The following LRRD1 variants were observed in gnomAD, a reference collection of about 807,000 sequenced individuals.
The protein encoded by LRRD1 is leucine-rich repeat and death domain-containing protein 1.
In LRRD1, 49 loss-of-function variants were observed where a neutral mutation model predicts 69.5. The ratio of observed to expected loss-of-function variants is 0.70; its 90% CI spans 0.56 to 0.89. The LOEUF is 0.89. Among genes scored for constraint, LRRD1 ranks in the 40% least tolerant of loss-of-function variants. LRRD1 has a pLI of 0.00. For synonymous variants in LRRD1, 303 were observed against 338.9 expected (o/e 0.89, Z 1.16); for missense variants, 853 against 956.0 (o/e 0.89, Z 1.42).
At chr7:92,175,362 T>C (rs1452887340) in intron 1 of LRRD1, among the ~76,000 whole-genome samples, 1 of 151,984 alleles carries the variant, frequency 6.6e-6, no homozygotes, top group Non-Finnish European at 1.5e-5. Flanking sequence ...TTTAACAGAG[T>C]GCTGGCCAGG....
chr7:92,153,222 G>A (rs1173752277), intron 3 of LRRD1, among the ~76,000 whole-genome samples: 1 of 151,878 alleles, frequency 6.6e-6, no homozygotes, highest in African/African-American at 2.4e-5. Context: ...AAGCCACCAT[G>A]CCCAGCTAAT....
rs746355464 is a variant in LRRD1, at chr7:92,146,063, A to G, written c.2396+20T>C. On this transcript the variant is annotated intron_variant, in intron 5 of 5. Transcript: ENST00000458448. ...CAGAATGAGAATAAATTTGTACTAA[A>G]TGCTGTCATTTATACATACCTCTTT... The G allele has an allele frequency of 1.2e-5, 15 of 1,268,600 alleles. No individual in the cohort carries two copies. Among genetic ancestry groups the G allele is most frequent in the Non-Finnish European group, 1.5e-5 (14 of 922,812 alleles). The allele number at this position is 1,268,600 out of a possible 1,614,324, so 78.6% of individuals were successfully genotyped here.
intron 1 of LRRD1, among the ~76,000 whole-genome samples, chr7:92,166,919 A>T (rs1256937620): frequency 6.6e-6 from 1 of 152,198 alleles, no homozygotes. Context: ...GTAATTAGCC[A>T]GTGGCATAAG....
chr7:92,168,784 AT>A, intron 1 of LRRD1, among the ~76,000 whole-genome samples: 1 of 152,362 alleles, frequency 6.6e-6, no homozygotes. Flanking sequence ...TTCAATGTAC[AT>A]ATGTACATCC....
At chr7:92,142,700 T>A (rs1820189524), downstream of LRRD1, 1 of 406,996 alleles carries the variant, frequency 2.5e-6, no homozygotes, top group Non-Finnish European at 4.8e-6. Context: ...GATCGTGGTC[T>A]CGCTGGCTCA....
At chr7:92,154,124 CA>C (rs1788594714) in intron 3 of LRRD1, among the ~76,000 whole-genome samples, 1 of 152,202 alleles carries the variant, frequency 6.6e-6, no homozygotes, top group Non-Finnish European at 1.5e-5. Context: ...AGGCATGAGC[CA>C]CCACGCCCAG....
intron 2 of LRRD1, among the ~76,000 whole-genome samples, chr7:92,161,520 G>C (rs2131004135): frequency 6.6e-6 from 1 of 152,348 alleles, no homozygotes; most frequent in East Asian, 1.9e-4. Context: ...CTTGCTAAAA[G>C]GGAGGAGGTT....
chr7:92,167,498 T>C (rs1479426152), intron 1 of LRRD1, among the ~76,000 whole-genome samples: 2 of 152,190 alleles, frequency 1.3e-5, no homozygotes, highest in Non-Finnish European at 2.9e-5. Context: ...TTTCTGTAAG[T>C]CTAAAATTAT....
Position 92,164,063 on chromosome 7 carries a change from A to G in LRRD1, c.1140T>C (p.Asp380=), listed in dbSNP as rs1455403575. Residue 380 remains aspartate, a synonymous_variant, in exon 2 of 6, where the codon GAT becomes GAC. Coordinates refer to ENST00000458448, the MANE Select transcript of LRRD1 (RefSeq NM_001161528.2). ...CTGGTATATTTTTCAATAAATTTTT[A>G]TCAAGTATAAGAATCCTAAGTTCCC... ...NFRELRILIL[D]KNLLKNIPEK... 1.9e-6 allele frequency: 3 copies of G among 1,542,216 alleles called. No individual in the cohort carries two copies. Among genetic ancestry groups the G allele is most frequent in the East Asian group, 2.5e-5 (1 of 40,766 alleles).
rs1167944611 is a variant in LRRD1 at position 92,164,345 on chromosome 7, A to C, written c.858T>G (p.Asn286Lys). ...LPSLKTLRVL[N>K]LEYNQLTTFP... The stretch of plus-strand genomic sequence containing the variant: ...ATGTTGTTAACTGATTATATTCCAA[A>C]TTGAGAACCCTCAAGGTTTTTAAAC... The change falls in exon 2 of 6, where the codon AAT becomes AAG. Residue 286 changes from asparagine (N) to lysine (K), a missense_variant. Physicochemically the swap from Asn to Lys is moderately conservative, Grantham distance 94. This residue lies in a region of LRRD1 where 739 missense variants were observed against 808.0 expected (regional missense o/e 0.91). Transcript: ENST00000458448. The C allele has an allele frequency of 6.5e-7, 1 of 1,550,260 alleles. No individual in the cohort carries two copies. The highest frequency in any genetic ancestry group is 8.7e-7 in the Non-Finnish European group (1 of 1,146,552).
At chr7:92,146,378 G>A (rs1563187810) in intron 4 of LRRD1, among the ~76,000 whole-genome samples, 178 bp from the exon 5 acceptor site, 1 of 152,172 alleles carries the variant, frequency 6.6e-6, no homozygotes. Flanking sequence ...AGCACTTTGG[G>A]AGGCCGAGGC....
At chr7:92,174,471 A>ATATATATATATG in intron 1 of LRRD1, among the ~76,000 whole-genome samples, 1 of 9,198 alleles carries the variant, frequency 1.1e-4, no homozygotes, top group Non-Finnish European at 2.0e-4. Context: ...ATCAATTAGA[A>ATATATATATATG]TATATATATA....
At chr7:92,143,227 G>A (rs543501454), downstream of LRRD1, among the ~76,000 whole-genome samples, 211 of 152,232 alleles carry the variant, frequency 1.4e-3, 1 homozygote, top group Admixed American at 3.1e-3. Context: ...AGTGCCGATT[G>A]GTGTATTTAC....
rs190288070 is a variant in LRRD1, at chr7:92,177,553, C to T, written c.-75+1454G>A. Among the ~76,000 whole-genome samples, 452 of 152,284 alleles carry T rather than the reference C, an allele frequency of 3.0e-3. 4 individuals carry two copies. The highest frequency in any genetic ancestry group is 0.01 in the African/African-American group (431 of 41,534). On this transcript the variant is annotated intron_variant, in intron 1 of 5. Coordinates refer to ENST00000458448, the MANE Select transcript of LRRD1 (RefSeq NM_001161528.2). The stretch of plus-strand genomic sequence containing the variant: ...ATTTCTCCTCTGTGGAGAAGACAGG[C>T]AGATGACTCATGAGCTCAGCTCCTT...
At position 92,164,526 on chromosome 7, in the gene LRRD1, A is replaced by G. The variant is rs1563192861; in HGVS notation, c.677T>C (p.Ile226Thr). 2 of 1,550,050 alleles carry G rather than the reference A, an allele frequency of 1.3e-6. No individual in the cohort carries two copies. Among genetic ancestry groups the G allele is most frequent in the Non-Finnish European group, 1.7e-6 (2 of 1,145,874 alleles). ...CCCAAGCTGAGATATTTCTTTAGGT[A>G]TATGTGATATGTGGTTATGACTGAC... ...LNVSHNHISH[I>T]PKEISQLGNI... Residue 226 changes from isoleucine (I) to threonine (T), a missense_variant, in exon 2 of 6, where the codon ATA becomes ACA. This residue lies in a region of LRRD1 where 739 missense variants were observed against 808.0 expected (regional missense o/e 0.91). Transcript: ENST00000458448.
In LRRD1 at chr7:92,164,695, A is replaced by C. The variant is rs2131009273; in HGVS notation, c.508T>G (p.Tyr170Asp). ...GTTTTGATTTGATTCTTGTCTAAAT[A>C]TAGATATTTTACATATTTGATTTTT... ...ILKIKYVKYLYLDKNQIKTFQ... is the reference protein window; with the variant it reads ...ILKIKYVKYLDLDKNQIKTFQ... The change falls in exon 2 of 6, where the codon TAT becomes GAT. Residue 170 changes from tyrosine (Y) to aspartate (D), a missense_variant. By Grantham distance (160) the Tyr-to-Asp change is radical. Transcript: ENST00000458448. 6.4e-7 allele frequency: 1 copy of C among 1,550,944 alleles called. No individual in the cohort carries two copies. Among genetic ancestry groups the C allele is most frequent in the East Asian group, 2.4e-5 (1 of 40,876 alleles).
intron 3 of LRRD1, among the ~76,000 whole-genome samples, chr7:92,157,910 A>G (rs1426023723): frequency 1.3e-5 from 2 of 152,070 alleles, no homozygotes; most frequent in Non-Finnish European, 2.9e-5. Flanking sequence ...AATACTTGAA[A>G]GAATTCACCA....
intron 1 of LRRD1, among the ~76,000 whole-genome samples, chr7:92,165,754 G>C (rs1446060567): frequency 6.6e-6 from 1 of 151,786 alleles, no homozygotes; most frequent in African/African-American, 2.4e-5. Flanking sequence ...CCAGCTACTG[G>C]GGAGGCTGAG....
chr7:92,152,465 T>C (rs1820495528), intron 3 of LRRD1, among the ~76,000 whole-genome samples: 1 of 152,138 alleles, frequency 6.6e-6, no homozygotes, highest in African/African-American at 2.4e-5. Context: ...TACTCAGTTT[T>C]TTGTTGAATA....
Sources: allele counts gnomAD v4.1 joint callset (sites outside exome capture counted in the v4.1 genomes callset), GRCh38; gene constraint gnomAD v4.1.1; regional missense constraint gnomAD v4.1.1; transcripts MANE v1.5; gene names NCBI Gene and HGNC (gene_info 2026-07-23, HGNC 2026-07-21).